The following BUB1B variants were observed in gnomAD, a reference collection of about 807,000 sequenced individuals.
BUB1B encodes mitotic checkpoint serine/threonine-protein kinase BUB1 beta.
A neutral mutation model predicts 137.7 loss-of-function variants in BUB1B; 86 were observed. The ratio of observed to expected loss-of-function variants is 0.62; its 90% CI spans 0.52 to 0.75. BUB1B has a LOEUF of 0.75. BUB1B is among the 30% of genes least tolerant of loss of function. BUB1B has a pLI of 0.00. For synonymous variants in BUB1B, 420 were observed against 417.9 expected, an observed-to-expected ratio of 1.00 and a Z score of -0.06; for missense variants, 1,130 against 1,236.9, an observed-to-expected ratio of 0.91 and a Z score of 1.30.
intron 8 of BUB1B, among the ~76,000 whole-genome samples, chr15:40,187,906 T>C (rs1459941355): frequency 1.4e-4 from 21 of 152,020 alleles, no homozygotes; most frequent in Admixed American, 1.4e-3. Flanking sequence ...GTCTCAAAAA[T>C]AAATAACGAA....
In BUB1B at chr15:40,178,906, TA is replaced by T. The variant is rs544493631; in HGVS notation, c.581+2242del. On this transcript the variant is annotated intron_variant, in intron 5 of 22. Transcript: ENST00000287598. Reference sequence around the variant, plus strand: ...TTTCTTTACTTTTTAAAAACCACATTAAAAAAAAACCACTCTTAGAGTTGTA... The same window carrying T: ...TTTCTTTACTTTTTAAAAACCACATTAAAAAAAACCACTCTTAGAGTTGTA... Among the ~76,000 whole-genome samples the T allele has an allele frequency of 1.5e-3, 224 of 150,578 alleles. 1 individual carries two copies. Among genetic ancestry groups the T allele is most frequent in the Admixed American group, 5.6e-3 (85 of 15,100 alleles).
intron 5 of BUB1B, among the ~76,000 whole-genome samples, chr15:40,182,536 C>G (rs141521369): frequency 6.6e-6 from 1 of 152,308 alleles, no homozygotes; most frequent in East Asian, 1.9e-4. Context: ...CTGTCCCATG[C>G]ATGTCCTGCT....
chr15:40,165,351 C>G (rs1353205896), intron 2 of BUB1B, among the ~76,000 whole-genome samples, 155 bp downstream of exon 2: 3 of 152,160 alleles, frequency 2.0e-5, no homozygotes, highest in African/African-American at 7.2e-5. Context: ...CACATGACAG[C>G]TATCTGAAGA....
chr15:40,199,255 T>G (rs1019468684), intron 9 of BUB1B, among the ~76,000 whole-genome samples: 7 of 152,234 alleles, frequency 4.6e-5, no homozygotes, highest in African/African-American at 1.7e-4. Context: ...TTATTCTTTT[T>G]CCTAAACTGA....
chr15:40,197,133 C>T (rs1204216068), intron 9 of BUB1B, among the ~76,000 whole-genome samples: 1 of 152,194 alleles, frequency 6.6e-6, no homozygotes, highest in Non-Finnish European at 1.5e-5. Flanking sequence ...ACATTCCATG[C>T]ATCCCTATTA....
At chr15:40,179,967 C>T (rs1437528190) in intron 5 of BUB1B, among the ~76,000 whole-genome samples, 1 of 143,552 alleles carries the variant, frequency 7.0e-6, no homozygotes, top group Non-Finnish European at 1.5e-5. Context: ...TTTCAAAAGC[C>T]ATATATATAT....
At chr15:40,162,624 GT>G (rs951194113) in intron 1 of BUB1B, among the ~76,000 whole-genome samples, 8 of 152,290 alleles carry the variant, frequency 5.3e-5, no homozygotes, top group Admixed American at 2.6e-4. Flanking sequence ...TGACTGAGGG[GT>G]ATGAGAAGGG....
At chr15:40,195,272 T>C (rs551429026) in intron 8 of BUB1B, among the ~76,000 whole-genome samples, 15 of 152,318 alleles carry the variant, frequency 9.8e-5, no homozygotes, top group African/African-American at 3.6e-4. Flanking sequence ...CTTAGAATAA[T>C]GGTCTCCAAT....
chr15:40,209,063 C>T (rs2037675748), intron 16 of BUB1B, among the ~76,000 whole-genome samples: 1 of 152,184 alleles, frequency 6.6e-6, no homozygotes, highest in Non-Finnish European at 1.5e-5. Context: ...CCCGCCTCAG[C>T]CTCCCACTCC....
At chr15:40,166,827 C>T (rs1014165193) in intron 2 of BUB1B, among the ~76,000 whole-genome samples, 1 of 152,150 alleles carries the variant, frequency 6.6e-6, no homozygotes, top group Non-Finnish European at 1.5e-5. Context: ...TTCGTTTTAG[C>T]CATTCTAGTT....
intron 15 of BUB1B, among the ~76,000 whole-genome samples, chr15:40,208,405 G>A (rs1016117269): frequency 1.4e-4 from 21 of 152,044 alleles, no homozygotes; most frequent in African/African-American, 4.8e-4. Context: ...GGGCATGGTG[G>A]CAGGTGCCTG....
chr15:40,192,070 G>A (rs1008766042), intron 8 of BUB1B, among the ~76,000 whole-genome samples: 4 of 152,156 alleles, frequency 2.6e-5, no homozygotes, highest in African/African-American at 9.7e-5. Flanking sequence ...GAATCTGTAG[G>A]TTAATTTAAT....
chr15:40,199,708 A>C lies in BUB1B; in HGVS notation c.1382A>C (p.Gln461Pro), dbSNP rs747886467. Residue 461 changes from glutamine (Q) to proline (P), a missense_variant, in exon 10 of 23, where the codon CAA becomes CCA. Coordinates refer to ENST00000287598, the MANE Select transcript of BUB1B (RefSeq NM_001211.6). ...KKLKEIQTTQQERTGDQQEET... is the reference protein window; with the variant it reads ...KKLKEIQTTQPERTGDQQEET... Reference sequence around the variant, plus strand: ...CTAAAAGAAATCCAAACTACTCAGCAAGAAAGAACAGGTGATCAGGTAATT... The same window carrying C: ...CTAAAAGAAATCCAAACTACTCAGCCAGAAAGAACAGGTGATCAGGTAATT... 66 of 1,613,322 alleles carry C rather than the reference A, an allele frequency of 4.1e-5. No individual in the cohort carries two copies. The highest frequency in any genetic ancestry group is 1.6e-4 in the Middle Eastern group (1 of 6,078).
At chr15:40,203,337 T>TA (rs138097791) in intron 14 of BUB1B, among the ~76,000 whole-genome samples, 11,974 of 152,214 alleles carry the variant, frequency 0.079, 1,540 homozygotes, top group African/African-American at 0.27. Flanking sequence ...TTTCATGAAA[T>TA]ATCCAGAATA....
rs7164047 is a variant in BUB1B at position 40,208,390 on chromosome 15, C to T, written c.2010-247C>T. ...CTGTCTCTACTAAAAATACAAAAATCAGCTGGGCATGGTGGCAGGTGCCTG... is the reference window on the plus strand; with the variant it reads ...CTGTCTCTACTAAAAATACAAAAATTAGCTGGGCATGGTGGCAGGTGCCTG... On this transcript the variant is annotated intron_variant, in intron 15 of 22. Transcript: ENST00000287598. 0.69 allele frequency among the ~76,000 whole-genome samples: 104,980 copies of T among 151,726 alleles called. 37,076 individuals are homozygous for T. The highest frequency in any genetic ancestry group is 0.76 in the African/African-American group (31,583 of 41,378).
chr15:40,170,091 CTGGAAA>C lies in BUB1B; in HGVS notation c.212_217del (p.Gly71_Asn72del). 1 of 1,613,888 alleles carries C rather than the reference CTGGAAA, an allele frequency of 6.2e-7. No individual in the cohort carries two copies. Among genetic ancestry groups the C allele is most frequent in the South Asian group, 1.1e-5 (1 of 91,078 alleles). ...TTTGAATATGAAATTCGATTTTACA[CTGGAAA>C]TGACCCTCTGGATGTTTGGGATAGG... On this transcript the variant is annotated inframe_deletion, in exon 3 of 23. Coordinates refer to ENST00000287598, the MANE Select transcript of BUB1B (RefSeq NM_001211.6).
At position 40,212,593 on chromosome 15, in the gene BUB1B, A is replaced by G. The variant is rs587778143; in HGVS notation, c.2480A>G (p.Gln827Arg). The G allele has an allele frequency of 1.2e-6, 2 of 1,613,844 alleles. No homozygotes were observed. Among genetic ancestry groups the G allele is most frequent in the East Asian group, 2.2e-5 (1 of 44,836 alleles). Residue 827 changes from glutamine to arginine, a missense_variant, in exon 19 of 23, where the codon CAA becomes CGA. Physicochemically the swap from Gln to Arg is conservative, Grantham distance 43. Coordinates refer to ENST00000287598, the MANE Select transcript of BUB1B (RefSeq NM_001211.6). ...TTTGATCATTTTTGCAGCTGTTATC[A>G]ATATCAAGATGGCTGTATTGTTTGG... ...EDFDHFCSCY[Q>R]YQDGCIVWHQ... is the part of the protein sequence containing the mutation.
chr15:40,171,558 C>T (rs1383808952), intron 4 of BUB1B, among the ~76,000 whole-genome samples: 3 of 152,054 alleles, frequency 2.0e-5, no homozygotes, highest in Non-Finnish European at 4.4e-5. Flanking sequence ...AAAAAACAAC[C>T]AAAACAGAAA....
At chr15:40,176,217 A>T (rs1291213433) in intron 4 of BUB1B, among the ~76,000 whole-genome samples, 1 of 152,152 alleles carries the variant, frequency 6.6e-6, no homozygotes, top group Admixed American at 6.5e-5. Context: ...TCGGCCTCAC[A>T]AAGTGCTGTA....
Sources: allele counts gnomAD v4.1 joint callset (sites outside exome capture counted in the v4.1 genomes callset), GRCh38; gene constraint gnomAD v4.1.1; transcripts MANE v1.5; gene names NCBI Gene and HGNC (gene_info 2026-07-23, HGNC 2026-07-21).